GRIP1: variants seen among roughly 807,000 people sequenced by gnomAD.
GRIP1 encodes glutamate receptor-interacting protein 1.
GRIP1 carries 45 observed loss-of-function variants against 129.9 expected under a neutral mutation model. The observed-to-expected ratio is 0.35, with a 90% CI of 0.27 to 0.44. The LOEUF (loss-of-function observed/expected upper bound fraction) is 0.44. Among genes scored for constraint, GRIP1 ranks in the 20% least tolerant of loss-of-function variants. The probability of loss-of-function intolerance (pLI) is 1.00; values close to 1 mark genes in which losing one functional copy is unlikely to be tolerated. For synonymous variants in GRIP1, 530 were observed against 520.8 expected (o/e 1.02, Z -0.24); for missense variants, 1,196 against 1,396.8 (o/e 0.86, Z 2.29).
intron 1 of GRIP1, among the ~76,000 whole-genome samples, chr12:66,799,787 T>C (rs1216926811): frequency 1.3e-5 from 2 of 152,108 alleles, no homozygotes; most frequent in South Asian, 2.1e-4. Context: ...TTACATGAAT[T>C]TACCAAAGGG....
intron 1 of GRIP1, among the ~76,000 whole-genome samples, chr12:66,726,924 C>T (rs550690221): frequency 3.9e-5 from 6 of 152,256 alleles, no homozygotes; most frequent in South Asian, 2.1e-4. Flanking sequence ...TGCTGGCCTT[C>T]GCATTTAGAA....
intron 1 of GRIP1, among the ~76,000 whole-genome samples, chr12:66,759,833 C>G (rs2037414241): frequency 6.6e-6 from 1 of 150,878 alleles, no homozygotes; most frequent in African/African-American, 2.4e-5. Flanking sequence ...TCAGCTTGGA[C>G]CTTATTGTTC....
At chr12:66,618,389 T>A (rs137855749) in intron 1 of GRIP1, among the ~76,000 whole-genome samples, 8 of 152,250 alleles carry the variant, frequency 5.3e-5, no homozygotes, top group Middle Eastern at 6.8e-3. Context: ...AAAGTGGTTT[T>A]CATTTTGTGT....
chr12:66,866,797 A>G (rs1043342114), intron 1 of GRIP1, among the ~76,000 whole-genome samples: 1 of 152,174 alleles, frequency 6.6e-6, no homozygotes, highest in African/African-American at 2.4e-5. Context: ...TTGAAAAATG[A>G]GTAAGAGAGT....
chr12:67,056,256 C>G (rs2043433758), intron 1 of GRIP1, among the ~76,000 whole-genome samples: 1 of 152,224 alleles, frequency 6.6e-6, no homozygotes, highest in African/African-American at 2.4e-5. Flanking sequence ...TATCTAGCAT[C>G]TATTGCATGA....
At chr12:66,600,523 T>C (rs188602206) in intron 1 of GRIP1, among the ~76,000 whole-genome samples, 8 of 152,320 alleles carry the variant, frequency 5.3e-5, no homozygotes, top group East Asian at 3.9e-4. Flanking sequence ...AGTGAAACAT[T>C]TGTTATAAAG....
Position 66,981,926 on chromosome 12 carries a change from T to C in GRIP1, c.58+87124A>G, listed in dbSNP as rs570931648. Among the ~76,000 whole-genome samples, 12 of 152,314 alleles carry C rather than the reference T, an allele frequency of 7.9e-5. No homozygotes were observed. In the South Asian group the frequency reaches 2.5e-3, roughly 32 times the overall value. On this transcript the variant is annotated intron_variant, in intron 1 of 1. Coordinates refer to the GRIP1 transcript ENST00000643019. ...TACACTCTCAATTTTAGAATTAATATGTCTGGGCTACATTGTGTTACACTG... is the reference window on the plus strand; with the variant it reads ...TACACTCTCAATTTTAGAATTAATACGTCTGGGCTACATTGTGTTACACTG...
chr12:66,754,426 T>C (rs962569934), intron 1 of GRIP1, among the ~76,000 whole-genome samples: 4 of 152,176 alleles, frequency 2.6e-5, no homozygotes, highest in African/African-American at 9.7e-5. Context: ...ATAGGTGGAA[T>C]GAAGCAAGCA....
Position 66,465,299 on chromosome 12 carries a change from A to G in GRIP1, c.848T>C (p.Ile283Thr). ...CNKQVIVIDK[I>T]KSASIADRCG... ...CCTGTCTGCAATACTTGCAGATTTG[A>G]TTTTGTCTATGACAATGACTTGTTT... The change falls in exon 8 of 25, where the codon ATC becomes ACC. Residue 283 changes from isoleucine (I) to threonine (T), a missense_variant. Around this residue, in one of 5 missense-constraint regions of GRIP1, gnomAD observed 508 missense variants for 587.0 expected, o/e 0.87. Coordinates refer to ENST00000359742, the MANE Select transcript of GRIP1 (RefSeq NM_001366722.1). 6.2e-7 allele frequency: 1 copy of G among 1,613,984 alleles called. No individual in the cohort carries two copies.
upstream of GRIP1, among the ~76,000 whole-genome samples, chr12:66,682,879 T>C (rs1240885224): frequency 6.6e-6 from 1 of 152,214 alleles, no homozygotes; most frequent in African/African-American, 2.4e-5. Context: ...TCATAAATCT[T>C]TCTGTTACAA....
At chr12:66,495,517 C>T (rs2060213579) in intron 7 of GRIP1, among the ~76,000 whole-genome samples, 1 of 152,248 alleles carries the variant, frequency 6.6e-6, no homozygotes, top group Middle Eastern at 3.4e-3. Flanking sequence ...TTAAAAAAAT[C>T]TACATGTGGA....
chr12:66,651,372 A>C (rs1189159765), intron 1 of GRIP1, among the ~76,000 whole-genome samples: 1 of 152,148 alleles, frequency 6.6e-6, no homozygotes, highest in Non-Finnish European at 1.5e-5. Context: ...GCATCAGCAA[A>C]ATTTAAACTA....
At chr12:66,630,331 G>A (rs550941598) in intron 1 of GRIP1, 7 of 151,740 alleles carry the variant, frequency 4.6e-5, no homozygotes, top group East Asian at 3.9e-4. Flanking sequence ...GCAACAGAGC[G>A]AGACTCTGTG....
intron 1 of GRIP1, among the ~76,000 whole-genome samples, chr12:66,735,734 C>G (rs1238638408): frequency 6.6e-6 from 1 of 151,998 alleles, no homozygotes; most frequent in African/African-American, 2.4e-5. Flanking sequence ...AGAAAATAGG[C>G]CAAATAAGCA....
rs141312592 is a variant in GRIP1, at chr12:66,979,758, C to A, written c.58+89292G>T. 2.4e-3 allele frequency among the ~76,000 whole-genome samples: 365 copies of A among 152,128 alleles called. 3 individuals carry two copies. Among genetic ancestry groups the A allele is most frequent in the Non-Finnish European group, 9.7e-4 (66 of 68,022 alleles). On this transcript the variant is annotated intron_variant, in intron 1 of 1. Transcript: ENST00000643019. Reference sequence around the variant, plus strand: ...GTCCTTAAAAAAGGAAAATGACATACGAAAAGACACACAGGGAGAATGCCA... The same window carrying A: ...GTCCTTAAAAAAGGAAAATGACATAAGAAAAGACACACAGGGAGAATGCCA...
At chr12:66,433,739 C>A (rs931133781) in intron 13 of GRIP1, among the ~76,000 whole-genome samples, 1 of 152,088 alleles carries the variant, frequency 6.6e-6, no homozygotes, top group African/African-American at 2.4e-5. Context: ...GACTATAATC[C>A]TTTCTGATGG....
intron 1 of GRIP1, among the ~76,000 whole-genome samples, chr12:66,755,185 C>T (rs1367309933): frequency 6.6e-6 from 1 of 152,030 alleles, no homozygotes; most frequent in Non-Finnish European, 1.5e-5. Flanking sequence ...GACAGTGGTG[C>T]CTGCTAATAT....
intron 10 of GRIP1, 43 bp downstream of exon 10, chr12:66,456,144 T>C: frequency 8.4e-7 from 1 of 1,191,178 alleles, no homozygotes; most frequent in Non-Finnish European, 1.1e-6. Context: ...GAGAAAAATA[T>C]AATTGAAATA....
At chr12:66,363,248 T>A (rs1229709373) in intron 23 of GRIP1, among the ~76,000 whole-genome samples, 1 of 133,532 alleles carries the variant, frequency 7.5e-6, no homozygotes, top group East Asian at 2.2e-4. Flanking sequence ...GTATCTCTTT[T>A]TTTTTTCCTT....
Sources: gnomAD v4.1 joint callset for allele counts (sites outside exome capture counted in the v4.1 genomes callset) on GRCh38, gnomAD v4.1.1 for gene constraint, gnomAD v4.1.1 regional missense constraint, MANE v1.5 for transcripts, NCBI Gene and HGNC (gene_info 2026-07-23, HGNC 2026-07-21) for gene names.